Variants in CDH15 observed in about 807,000 individuals in gnomAD.
The protein encoded by CDH15 is cadherin 15, also known as cadherin-15.
A neutral mutation model predicts 69.4 loss-of-function variants in CDH15; 73 were observed. The ratio of observed to expected loss-of-function variants is 1.05; its 90% CI spans 0.87 to 1.28. CDH15 has a LOEUF of 1.28. CDH15 is among the 50% of genes most tolerant of loss of function. The pLI, the probability that CDH15 is intolerant of heterozygous loss-of-function variation, is 0.00. For synonymous variants in CDH15, 624 were observed against 507.7 expected (o/e 1.23, Z -3.08); for missense variants, 1,343 against 1,133.6 (o/e 1.18, Z -2.65).
chr16:89,191,861 C>T lies in CDH15; in HGVS notation c.1582C>T (p.Leu528Phe), dbSNP rs1312486049. 1.9e-6 allele frequency: 3 copies of T among 1,596,038 alleles called. No individual in the cohort carries two copies. The highest frequency in any genetic ancestry group is 1.7e-5 in the Admixed American group (1 of 58,902). Residue 528 changes from leucine to phenylalanine, a missense_variant, in exon 10 of 14, where the codon CTC (leucine) becomes TTC (phenylalanine). Physicochemically the swap from Leu to Phe is conservative, Grantham distance 22. Coordinates refer to ENST00000289746, the MANE Select transcript of CDH15 (RefSeq NM_004933.3). ...CCAGCTGAGCCCCAGGCTCCCAGAG[C>T]TCGGCCGGAACTGGAGCCTCAGCCA... ...HFQLSPRLPE[L>F]GRNWSLSQVN...
rs1347823746 is a variant in CDH15 at position 89,195,111 on chromosome 16, T to A, written c.2401T>A (p.Ser801Thr). 6.2e-7 allele frequency: 1 copy of A among 1,607,448 alleles called. No individual in the cohort carries two copies. Among genetic ancestry groups the A allele is most frequent in the South Asian group, 1.1e-5 (1 of 90,836 alleles). Residue 801 changes from serine (S) to threonine (T), a missense_variant, in exon 14 of 14, where the codon TCT becomes ACT. Physicochemically the swap from Ser to Thr is moderately conservative, Grantham distance 58. Coordinates refer to ENST00000289746, the MANE Select transcript of CDH15 (RefSeq NM_004933.3). ...GGACCACCAGGCCAGGGAGGGTCTT[T>A]CTCCTGGGGCACTGCTACCCAGACA... ...RWDHQAREGL[S>T]PGALLPRHRG... is the part of the protein sequence containing the mutation.
chr16:89,172,152 C>T (rs984405615), intron 1 of CDH15, among the ~76,000 whole-genome samples: 2 of 152,122 alleles, frequency 1.3e-5, no homozygotes, highest in Non-Finnish European at 1.5e-5. Flanking sequence ...ACCCAGGTAG[C>T]CGTGCCCTCT....
At chr16:89,178,886 T>C (rs1474103177) in intron 1 of CDH15, among the ~76,000 whole-genome samples, 1 of 152,192 alleles carries the variant, frequency 6.6e-6, no homozygotes, top group Non-Finnish European at 1.5e-5. Flanking sequence ...CAGCCCACTG[T>C]GCCCACAGGC....
At chr16:89,184,750 CCT>C (rs1186222467) in intron 4 of CDH15, among the ~76,000 whole-genome samples, 1 of 152,204 alleles carries the variant, frequency 6.6e-6, no homozygotes, top group Non-Finnish European at 1.5e-5. Context: ...GCCCATGCAT[CCT>C]CTGTCACCCT....
intron 5 of CDH15, 59 bp from the exon 6 acceptor site, chr16:89,187,370 C>G: frequency 6.2e-7 from 1 of 1,604,142 alleles, no homozygotes; most frequent in South Asian, 1.1e-5. Context: ...CACCCCTGAC[C>G]AGTCCCCATG....
At chr16:89,183,271 CCTTA>C in intron 3 of CDH15, 1 of 463,824 alleles carries the variant, frequency 2.2e-6, no homozygotes, top group Non-Finnish European at 3.9e-6. Context: ...CCTCTGAGAG[CCTTA>C]CTTTAGTCAC....
rs555779582 is a variant in CDH15 at position 89,180,277 on chromosome 16, C to G, written c.279C>G (p.Gly93=). ...CCGGCGTGGATGAGGAGCCCCGGGG[C>G]GTCTTCTCTATCGACAAGTTCACAG... ...QGPGVDEEPR[G]VFSIDKFTGK... Residue 93 remains glycine, a synonymous_variant, in exon 3 of 14, where the codon GGC becomes GGG. Coordinates refer to ENST00000289746, the MANE Select transcript of CDH15 (RefSeq NM_004933.3). The G allele has an allele frequency of 1.2e-4, 190 of 1,610,446 alleles. 6 individuals are homozygous for G. The South Asian group carries it at 1.9e-3, about 16-fold the overall frequency.
At chr16:89,180,130 G>C (rs1915342783) in intron 2 of CDH15, 70 bp from the exon 3 acceptor site, 1 of 1,559,512 alleles carries the variant, frequency 6.4e-7, no homozygotes, top group South Asian at 1.1e-5. Flanking sequence ...GGAGGGGCCT[G>C]AGGGGCTGCA....
intron 3 of CDH15, 135 bp from the exon 4 acceptor site, chr16:89,183,413 C>T (rs1162948412): frequency 3.1e-6 from 3 of 964,932 alleles, no homozygotes; most frequent in African/African-American, 3.2e-5. Context: ...CCACCCTGTG[C>T]TGTTTCTCGC....
rs1915652406 is a variant in CDH15, at chr16:89,191,862, T to C, written c.1583T>C (p.Leu528Pro). Residue 528 changes from leucine (L) to proline (P), a missense_variant, in exon 10 of 14, where the codon CTC becomes CCC. Leu to Pro is a moderately conservative substitution (Grantham distance 98). Transcript: ENST00000289746. ...HFQLSPRLPE[L>P]GRNWSLSQVN... ...CAGCTGAGCCCCAGGCTCCCAGAGC[T>C]CGGCCGGAACTGGAGCCTCAGCCAG... 1.9e-6 allele frequency: 3 copies of C among 1,595,338 alleles called. No homozygotes were observed. The East Asian group carries it at 6.7e-5, about 36-fold the overall frequency.
At chr16:89,194,136 G>A (rs573002613) in intron 13 of CDH15, among the ~76,000 whole-genome samples, 1 of 152,240 alleles carries the variant, frequency 6.6e-6, no homozygotes, top group African/African-American at 2.4e-5. Flanking sequence ...GCGGGTCTTT[G>A]CACAGATGGA....
At chr16:89,176,966 G>A (rs1915270812) in intron 1 of CDH15, among the ~76,000 whole-genome samples, 1 of 152,074 alleles carries the variant, frequency 6.6e-6, no homozygotes. Context: ...CCCGGGGTAG[G>A]GGGTCTCTGT....
At chr16:89,193,358 C>G in intron 11 of CDH15, 112 bp from the exon 12 acceptor site, 2 of 609,478 alleles carry the variant, frequency 3.3e-6, no homozygotes, top group East Asian at 3.7e-5. Flanking sequence ...CAACCCCACC[C>G]CTGCTTACCA....
chr16:89,193,927 G>A lies in CDH15; in HGVS notation c.2151+14G>A. On this transcript the variant is annotated intron_variant, in intron 13 of 13. Coordinates refer to ENST00000289746, the MANE Select transcript of CDH15 (RefSeq NM_004933.3). ...TTCATCAATGATGTAGGTGCTCCTG[G>A]GGACACCCCAGTACACACAGGCACG... is the stretch of plus-strand genomic sequence containing the variant. 1 of 1,611,368 alleles carries A rather than the reference G, an allele frequency of 6.2e-7. No homozygotes were observed. The highest frequency in any genetic ancestry group is 1.1e-5 in the South Asian group (1 of 90,962).
intron 7 of CDH15, among the ~76,000 whole-genome samples, 182 bp from the exon 8 acceptor site, chr16:89,190,061 C>T (rs1382871955): frequency 6.6e-6 from 1 of 152,248 alleles, no homozygotes; most frequent in Non-Finnish European, 1.5e-5. Flanking sequence ...ACACAACCAG[C>T]ATTTTAATAA....
At position 89,194,946 on chromosome 16, in the gene CDH15, G is replaced by T. The variant is rs1000461188; in HGVS notation, c.2236G>T (p.Ala746Ser). The stretch of plus-strand genomic sequence containing the variant: ...TGACTACGAGGGTGACGGCTCGGTG[G>T]CGGGGACGCTGAGCTCCATCCTGTC... The part of the protein sequence containing the change: ...IYDYEGDGSV[A>S]GTLSSILSSQ... Residue 746 changes from alanine (A) to serine (S), a missense_variant, in exon 14 of 14, where the codon GCG becomes TCG. By Grantham distance (99) the Ala-to-Ser change is moderately conservative (BLOSUM62 1). Coordinates refer to ENST00000289746, the MANE Select transcript of CDH15 (RefSeq NM_004933.3). 9 of 1,608,688 alleles carry T rather than the reference G, an allele frequency of 5.6e-6. No individual in the cohort carries two copies. The African/African-American group carries it at 1.2e-4, about 21-fold the overall frequency.
At chr16:89,194,433 G>A (rs577896706) in intron 13 of CDH15, among the ~76,000 whole-genome samples, 4 of 152,330 alleles carry the variant, frequency 2.6e-5, no homozygotes, top group South Asian at 2.1e-4. Flanking sequence ...GGTTAGGAGC[G>A]TGTGTCCCCA....
intron 1 of CDH15, 88 bp from the exon 2 acceptor site, chr16:89,179,327 GC>G: frequency 6.7e-7 from 1 of 1,489,270 alleles, no homozygotes; most frequent in Non-Finnish European, 9.3e-7. Flanking sequence ...GCGCCCCGTG[GC>G]CTCCTCACCA....
chr16:89,194,027 G>C (rs1431066558), intron 13 of CDH15, 114 bp downstream of exon 13: 5 of 1,202,286 alleles, frequency 4.2e-6, no homozygotes, highest in Middle Eastern at 2.1e-4. Context: ...TGCACTTATG[G>C]GCCGTCCCAG....
Sources: allele counts gnomAD v4.1 joint callset (sites outside exome capture counted in the v4.1 genomes callset), GRCh38; gene constraint gnomAD v4.1.1; transcripts MANE v1.5; gene names NCBI Gene and HGNC (gene_info 2026-07-23, HGNC 2026-07-21).